TTC7A: variants seen among roughly 807,000 people sequenced by gnomAD.
TTC7A encodes the protein tetratricopeptide repeat protein 7A.
In TTC7A, 110 loss-of-function variants were observed where a neutral mutation model predicts 103.7. That is an observed-to-expected ratio of 1.06 (90% CI 0.91 to 1.24). The LOEUF (loss-of-function observed/expected upper bound fraction) is 1.24. Among genes scored for constraint, TTC7A ranks in the 50% most tolerant of loss-of-function variants. The pLI is 0.00. For missense variants in TTC7A, 1,340 were observed against 1,116.3 expected (o/e 1.20, Z -2.86); for synonymous variants, 521 against 467.9 (o/e 1.11, Z -1.47).
chr2:47,046,551 C>T (rs1558623833), intron 16 of TTC7A, 120 bp downstream of exon 16: 5 of 743,274 alleles, frequency 6.7e-6, no homozygotes, highest in African/African-American at 1.7e-5. Context: ...TGAATGAGAG[C>T]GTGGAACTTC....
intron 18 of TTC7A, among the ~76,000 whole-genome samples, chr2:47,052,329 C>G (rs546959529): frequency 1.3e-5 from 2 of 152,314 alleles, no homozygotes; most frequent in Admixed American, 1.3e-4. Context: ...CACCAGGCGT[C>G]TGAAGGCCAG....
intron 1 of TTC7A, among the ~76,000 whole-genome samples, 155 bp from the exon 2 acceptor site, chr2:46,950,208 C>A (rs542362326): frequency 5.9e-5 from 9 of 152,236 alleles, no homozygotes; most frequent in Admixed American, 5.2e-4. Flanking sequence ...TCTTTAAAGG[C>A]TGTTGAAATT....
intron 10 of TTC7A, among the ~76,000 whole-genome samples, chr2:47,009,884 GTGTT>G (rs1199756213): frequency 2.2e-5 from 2 of 89,992 alleles, no homozygotes; most frequent in Admixed American, 1.2e-4. Flanking sequence ...GAGTGTGTGT[GTGTT>G]TTTTTTTTTT....
At chr2:46,995,062 G>A in intron 7 of TTC7A, 74 bp from the exon 8 acceptor site, 1 of 1,446,446 alleles carries the variant, frequency 6.9e-7, no homozygotes, top group Non-Finnish European at 9.7e-7. Context: ...GGGGCAGAAG[G>A]CTGGCATGGT....
At chr2:46,972,566 C>A (rs569957368) in intron 3 of TTC7A, among the ~76,000 whole-genome samples, 1 of 152,078 alleles carries the variant, frequency 6.6e-6, no homozygotes, top group Non-Finnish European at 1.5e-5. Context: ...TTTTATTGGC[C>A]CAGATTAGGC....
chr2:47,033,768 G>A (rs929291824), intron 15 of TTC7A, among the ~76,000 whole-genome samples: 6 of 152,206 alleles, frequency 3.9e-5, no homozygotes, highest in Admixed American at 6.5e-5. Flanking sequence ...AGGGAGGGGA[G>A]AGGAGGCTGC....
chr2:47,039,200 CCT>C (rs1681477550), intron 15 of TTC7A, among the ~76,000 whole-genome samples: 1 of 152,146 alleles, frequency 6.6e-6, no homozygotes, highest in African/African-American at 2.4e-5. Flanking sequence ...TGCTGAAGGC[CCT>C]GTCTCAACAG....
chr2:47,060,948 G>A lies in TTC7A; in HGVS notation c.2332G>A (p.Gly778Ser). The A allele has an allele frequency of 6.2e-7, 1 of 1,613,516 alleles. No individual in the cohort carries two copies. The highest frequency in any genetic ancestry group is 8.5e-7 in the Non-Finnish European group (1 of 1,179,770). The part of the protein sequence containing the change: ...YKEALTVNPD[G>S]VRIMHSLGLM... ...GGAGGCGCTCACGGTGAACCCAGAT[G>A]GCGTGCGCATCATGCATAGCCTGGT... Residue 778 changes from glycine (G) to serine (S), a missense_variant, in exon 19 of 20, where the codon GGC becomes AGC. Physicochemically the swap from Gly to Ser is moderately conservative, Grantham distance 56 (BLOSUM62 0). Transcript: ENST00000319190.
At chr2:46,940,835 G>T (rs959728696), upstream of TTC7A, among the ~76,000 whole-genome samples, 1 of 152,136 alleles carries the variant, frequency 6.6e-6, no homozygotes, top group South Asian at 2.1e-4. This position sits in a 1 kb window ranked among gnomAD's most constrained non-coding sequence, Gnocchi z 4.7. Flanking sequence ...GCTCGCCGTC[G>T]GGGTTGGGGC....
chr2:46,972,707 T>C (rs1302223038), intron 3 of TTC7A, among the ~76,000 whole-genome samples: 1 of 152,242 alleles, frequency 6.6e-6, no homozygotes, highest in Non-Finnish European at 1.5e-5. Context: ...GGCAGAGACC[T>C]GAGCATGGGT....
At position 46,974,717 on chromosome 2, in the gene TTC7A, C is replaced by CA. The variant is rs1338592540; in HGVS notation, c.518-255dup. On this transcript the variant is annotated intron_variant, in intron 3 of 19. Coordinates refer to ENST00000319190, the MANE Select transcript of TTC7A (RefSeq NM_020458.4). ...GGATACTGCGTTACAGAGGAGGGGT[C>CA]AGGAGTGGCTTCCCCGGGTAGTTGG... 5 of 580,212 alleles carry CA rather than the reference C, an allele frequency of 8.6e-6. 1 individual carries two copies. The highest frequency in any genetic ancestry group is 1.6e-5 in the Non-Finnish European group (5 of 308,536). The allele number at this position is 580,212 out of a possible 1,614,324, so 35.9% of individuals were successfully genotyped here.
At chr2:47,062,471 G>C (rs1019913206) in intron 19 of TTC7A, among the ~76,000 whole-genome samples, 3 of 152,212 alleles carry the variant, frequency 2.0e-5, no homozygotes, top group African/African-American at 4.8e-5. Flanking sequence ...CTTTCTGCAA[G>C]AGGCTTCCTC....
intron 2 of TTC7A, among the ~76,000 whole-genome samples, chr2:46,930,369 G>C (rs538463752): frequency 2.2e-4 from 32 of 145,212 alleles, no homozygotes; most frequent in African/African-American, 8.2e-4. Flanking sequence ...ACACTTAAAA[G>C]ATAAGCAGAT....
chr2:46,990,444 C>G (rs376386835), intron 5 of TTC7A, among the ~76,000 whole-genome samples: 1 of 152,140 alleles, frequency 6.6e-6, no homozygotes, highest in African/African-American at 2.4e-5. Flanking sequence ...GGCTGGTAGG[C>G]GGAAGGTGGT....
At chr2:47,062,313 C>G (rs1165636712) in intron 19 of TTC7A, among the ~76,000 whole-genome samples, 1 of 152,188 alleles carries the variant, frequency 6.6e-6, no homozygotes, top group Non-Finnish European at 1.5e-5. Context: ...GCTATTACTC[C>G]CGCTGCCTGA....
At chr2:47,069,555 C>T (rs550072027) in intron 19 of TTC7A, among the ~76,000 whole-genome samples, 2 of 152,306 alleles carry the variant, frequency 1.3e-5, no homozygotes, top group South Asian at 2.1e-4. Flanking sequence ...GTTTGCTCCC[C>T]TCCCCACATC....
At chr2:46,973,884 G>A (rs1174779254) in intron 3 of TTC7A, among the ~76,000 whole-genome samples, 4 of 152,288 alleles carry the variant, frequency 2.6e-5, no homozygotes, top group East Asian at 1.9e-4. Context: ...AGCAGATGTC[G>A]TGCCAGGGGG....
chr2:47,053,270 C>G (rs1431246937), intron 18 of TTC7A, among the ~76,000 whole-genome samples: 1 of 152,124 alleles, frequency 6.6e-6, no homozygotes, highest in Non-Finnish European at 1.5e-5. Flanking sequence ...AACAAGGCCT[C>G]GCCTTAGGCA....
intron 8 of TTC7A, among the ~76,000 whole-genome samples, chr2:47,003,586 C>T (rs1453975468): frequency 1.3e-5 from 2 of 152,216 alleles, no homozygotes; most frequent in Non-Finnish European, 2.9e-5. Context: ...CAAGATTGGT[C>T]TGCACAGACA....
Sources: allele counts gnomAD v4.1 joint callset (sites outside exome capture counted in the v4.1 genomes callset), GRCh38; gene constraint gnomAD v4.1.1; non-coding constraint Gnocchi (gnomAD v3.1); transcripts MANE v1.5; gene names NCBI Gene and HGNC (gene_info 2026-07-23, HGNC 2026-07-21).